Variants in ARMCX1 observed in about 807,000 individuals in gnomAD.
ARMCX1 encodes armadillo repeat containing X-linked 1.
A neutral mutation model predicts 15.4 loss-of-function variants in ARMCX1; 4 were observed. That is an observed-to-expected ratio of 0.26 (90% CI 0.13 to 0.59). The LOEUF (loss-of-function observed/expected upper bound fraction) is 0.59, where lower values mean the gene tolerates loss of function less well. Among genes scored for constraint, ARMCX1 ranks in the 20% least tolerant of loss-of-function variants. ARMCX1 has a pLI of 0.89. For missense variants in ARMCX1, 273 were observed against 337.1 expected, an observed-to-expected ratio of 0.81 and a Z score of 1.49; for synonymous variants, 144 against 130.5, an observed-to-expected ratio of 1.10 and a Z score of -0.71.
chrX:101,553,130 G>T lies in ARMCX1; in HGVS notation c.200G>T (p.Gly67Val). The T allele has an allele frequency of 8.3e-7, 1 of 1,211,655 alleles. No individual in the cohort carries two copies. The highest frequency in any genetic ancestry group is 1.1e-6 in the Non-Finnish European group (1 of 895,422). Reference protein sequence around the residue: ...GAKTNAGAGSGAKLQGDSEVK... With the variant: ...GAKTNAGAGSVAKLQGDSEVK... Reference sequence around the variant, plus strand: ...AAAACTAACGCTGGGGCAGGGTCTGGGGCCAAACTTCAGGGTGATTCAGAG... The same window carrying T: ...AAAACTAACGCTGGGGCAGGGTCTGTGGCCAAACTTCAGGGTGATTCAGAG... The change falls in exon 4 of 4, where the codon GGG becomes GTG. Residue 67 changes from glycine to valine, a missense_variant. Physicochemically the swap from Gly to Val is moderately radical, Grantham distance 109. Around this residue, in one of 2 missense-constraint regions of ARMCX1, gnomAD observed 147 missense variants for 143.5 expected, o/e 1.02. Coordinates refer to ENST00000372829, the MANE Select transcript of ARMCX1 (RefSeq NM_016608.2).
Position 101,554,199 on chromosome X carries a change from G to T in ARMCX1, c.1269G>T (p.Glu423Asp). ...SRSSLFFLFK[E>D]SGVCVKKIKA... The stretch of plus-strand genomic sequence containing the variant: ...GTTCACTTTTTTTCTTATTCAAAGA[G>T]TCTGGAGTTTGTGTTAAGAAAATCA... Residue 423 changes from glutamate to aspartate, a missense_variant, in exon 4 of 4, where the codon GAG becomes GAT. Glu to Asp is a conservative substitution (Grantham distance 45, BLOSUM62 2). Around this residue, in one of 2 missense-constraint regions of ARMCX1, gnomAD observed 126 missense variants for 193.6 expected, o/e 0.65. Coordinates refer to ENST00000372829, the MANE Select transcript of ARMCX1 (RefSeq NM_016608.2). 1 of 1,208,413 alleles carries T rather than the reference G, an allele frequency of 8.3e-7. No individual in the cohort carries two copies. Among genetic ancestry groups the T allele is most frequent in the African/African-American group, 1.7e-5 (1 of 57,684 alleles).
chrX:101,554,208 T>C lies in ARMCX1; in HGVS notation c.1278T>C (p.Val426=). 2 of 1,207,074 alleles carry C rather than the reference T, an allele frequency of 1.7e-6. No individual in the cohort carries two copies. The highest frequency in any genetic ancestry group is 2.2e-6 in the Non-Finnish European group (2 of 893,956). Residue 426 remains valine, a synonymous_variant, in exon 4 of 4, where the codon GTT becomes GTC. Transcript: ENST00000372829. ...SLFFLFKESG[V]CVKKIKALAN... ...TTTTCTTATTCAAAGAGTCTGGAGT[T>C]TGTGTTAAGAAAATCAAAGCACTAG... is the stretch of plus-strand genomic sequence containing the variant.
chrX:101,551,240 G>GT (rs2053837376), intron 2 of ARMCX1, among the ~76,000 whole-genome samples: 1 of 110,322 alleles, frequency 9.1e-6, no homozygotes, highest in Non-Finnish European at 1.9e-5. Context: ...GGTTGGTTTT[G>GT]TTTTTCTCCT....
chrX:101,552,832 C>T lies in ARMCX1; in HGVS notation c.-99C>T. ...AGGTCGAGCTGCCTCAGAGCCGGCC[C>T]GCAGTAGCTGCAGACTCCGCCCGCG... is the stretch of plus-strand genomic sequence containing the variant. On this transcript the variant is annotated 5_prime_UTR_variant, in exon 4 of 4. Coordinates refer to ENST00000372829, the MANE Select transcript of ARMCX1 (RefSeq NM_016608.2). 2 of 1,011,902 alleles carry T rather than the reference C, an allele frequency of 2.0e-6. No homozygotes were observed. Among genetic ancestry groups the T allele is most frequent in the Admixed American group, 3.1e-5 (1 of 32,518 alleles). The allele number at this position is 1,011,902 out of a possible 1,213,427, so 83.4% of individuals were successfully genotyped here.
rs782115594 is a variant in ARMCX1 at position 101,552,420 on chromosome X, C to G, written c.-122-389C>G. ...TATGTACCCAGAGCTCTCAGTACCC[C>G]TCTCCCCGCGCCCTTGGTCTGCAGG... On this transcript the variant is annotated intron_variant, in intron 3 of 3. Transcript: ENST00000372829. 4.5e-5 allele frequency among the ~76,000 whole-genome samples: 5 copies of G among 111,276 alleles called. No homozygotes were observed. In the South Asian group the frequency reaches 1.5e-3, roughly 34 times the overall value.
At chrX:101,551,500 T>C (rs1935380080) in intron 2 of ARMCX1, 69 bp from the exon 3 acceptor site, 1 of 112,170 alleles carries the variant, frequency 8.9e-6, no homozygotes, top group African/African-American at 3.2e-5. Context: ...GAAGTGGATA[T>C]TGGGACTCCC....
rs782743530 is a variant in ARMCX1, at chrX:101,552,749, T to G, written c.-122-60T>G. 159 of 434,039 alleles carry G rather than the reference T, an allele frequency of 3.7e-4. 2 individuals are homozygous for G. The South Asian group carries it at 6.8e-3, about 19-fold the overall frequency. The allele number at this position is 434,039 out of a possible 1,213,427, so 35.8% of individuals were successfully genotyped here. On this transcript the variant is annotated intron_variant, in intron 3 of 3. Transcript: ENST00000372829. ...TGTTTGTTTTGTTGTTGTTTCAGTC[T>G]GTTTGCGTTCAAAGACACAAAAAGG...
At position 101,553,660 on chromosome X, in the gene ARMCX1, C is replaced by A; in HGVS notation, c.730C>A (p.Arg244Ser). The A allele has an allele frequency of 8.3e-7, 1 of 1,211,541 alleles. No homozygotes were observed. Among genetic ancestry groups the A allele is most frequent in the Non-Finnish European group, 1.1e-6 (1 of 895,470 alleles). The change falls in exon 4 of 4, where the codon CGT becomes AGT. Residue 244 changes from arginine (R) to serine (S), a missense_variant. This residue lies in a region of ARMCX1 where 126 missense variants were observed against 193.6 expected (regional missense o/e 0.65). Coordinates refer to ENST00000372829, the MANE Select transcript of ARMCX1 (RefSeq NM_016608.2). ...AAYSFNQNAI[R>S]ELGGVPIIAK... Reference sequence around the variant, plus strand: ...ATATTCATTTAACCAGAATGCCATACGTGAATTGGGTGGTGTCCCAATTAT... The same window carrying A: ...ATATTCATTTAACCAGAATGCCATAAGTGAATTGGGTGGTGTCCCAATTAT...
At chrX:101,550,829 C>T (rs1191385369) in intron 1 of ARMCX1, 142 bp from the exon 2 acceptor site, 1 of 111,830 alleles carries the variant, frequency 8.9e-6, no homozygotes, top group Non-Finnish European at 1.9e-5. Context: ...CGACCCCAGA[C>T]TCGGGCGTCG....
Position 101,553,598 on chromosome X carries a change from A to G in ARMCX1, c.668A>G (p.Gln223Arg). The G allele has an allele frequency of 8.3e-7, 1 of 1,211,793 alleles. No individual in the cohort carries two copies. The change falls in exon 4 of 4, where the codon CAA (glutamine) becomes CGA (arginine). Residue 223 changes from glutamine (Q) to arginine (R), a missense_variant. Gln to Arg is a conservative substitution (Grantham distance 43). Transcript: ENST00000372829. The part of the protein sequence containing the change: ...ILERTNDPFI[Q>R]EVALVTLGNN... ...GAGCGAACAAATGATCCTTTTATTC[A>G]AGAAGTAGCCTTGGTCACTCTGGGT...
In ARMCX1 at chrX:101,553,487, C is replaced by T; in HGVS notation, c.557C>T (p.Pro186Leu). ...KSTRAPATTW[P>L]VRRGKFNFPY... Reference sequence around the variant, plus strand: ...ACCAGGGCTCCAGCTACAACATGGCCTGTCCGGAGAGGCAAGTTCAACTTT... The same window carrying T: ...ACCAGGGCTCCAGCTACAACATGGCTTGTCCGGAGAGGCAAGTTCAACTTT... The change falls in exon 4 of 4, where the codon CCT (proline) becomes CTT (leucine). Residue 186 changes from proline (P) to leucine (L), a missense_variant. Coordinates refer to ENST00000372829, the MANE Select transcript of ARMCX1 (RefSeq NM_016608.2). 1 of 1,210,734 alleles carries T rather than the reference C, an allele frequency of 8.3e-7. No individual in the cohort carries two copies. The highest frequency in any genetic ancestry group is 1.1e-6 in the Non-Finnish European group (1 of 895,080).
rs367903629 is a variant in ARMCX1 at position 101,553,450 on chromosome X, C to T, written c.520C>T (p.Arg174Ter). Residue 174 changes from arginine (R) to a stop codon, truncating the protein, a stop_gained, in exon 4 of 4, where the codon CGA (arginine) becomes TGA (stop). Transcript: ENST00000372829. LOFTEE classifies it high-confidence loss of function. ...AAGTGGAAAATCCAAGGGAAAGGCC[C>T]GAAGTAAGAGCACCAGGGCTCCAGC... ...RASGKSKGKARSKSTRAPATT... is the reference protein window; with the variant it reads ...RASGKSKGKA The T allele has an allele frequency of 8.3e-7, 1 of 1,203,077 alleles. No individual in the cohort carries two copies. Among genetic ancestry groups the T allele is most frequent in the Non-Finnish European group, 1.1e-6 (1 of 891,981 alleles).
At position 101,552,855 on chromosome X, in the gene ARMCX1, G is replaced by A; in HGVS notation, c.-76G>A. 8.9e-7 allele frequency: 1 copy of A among 1,118,223 alleles called. No homozygotes were observed. Among genetic ancestry groups the A allele is most frequent in the South Asian group, 2.2e-5 (1 of 45,656 alleles). The allele number at this position is 1,118,223 out of a possible 1,213,427, so 92.2% of individuals were successfully genotyped here. On this transcript the variant is annotated 5_prime_UTR_variant, in exon 4 of 4. Coordinates refer to ENST00000372829, the MANE Select transcript of ARMCX1 (RefSeq NM_016608.2). ...CCCGCAGTAGCTGCAGACTCCGCCC[G>A]CGACGTGTGCGCGCTTCTCTGGGCC...
intron 2 of ARMCX1, among the ~76,000 whole-genome samples, chrX:101,551,244 T>C (rs1006801754): frequency 1.8e-5 from 2 of 110,455 alleles, no homozygotes; most frequent in Admixed American, 1.9e-4. Flanking sequence ...GGTTTTGTTT[T>C]TCTCCTCGGA....
At position 101,552,958 on chromosome X, in the gene ARMCX1, G is replaced by T. The variant is rs1435080466; in HGVS notation, c.28G>T (p.Val10Leu). The T allele has an allele frequency of 3.3e-6, 4 of 1,209,017 alleles. No individual in the cohort carries two copies. The highest frequency in any genetic ancestry group is 3.5e-5 in the African/African-American group (2 of 57,203). ...GGGCCGCACTCGGGAAGCTGGCTGC[G>T]TGGCCGCTGGTGTGGTTATCGGGGC... MGRTREAGC[V>L]AAGVVIGAGA... The change falls in exon 4 of 4, where the codon GTG becomes TTG. Residue 10 changes from valine (V) to leucine (L), a missense_variant. By Grantham distance (32) the Val-to-Leu change is conservative. This residue lies in a region of ARMCX1 where 147 missense variants were observed against 143.5 expected (regional missense o/e 1.02). Coordinates refer to ENST00000372829, the MANE Select transcript of ARMCX1 (RefSeq NM_016608.2).
At position 101,554,515 on chromosome X, in the gene ARMCX1, CAGAA is replaced by C; in HGVS notation, c.*228_*231del. The C allele has an allele frequency of 3.1e-6, 1 of 322,643 alleles. No individual in the cohort carries two copies. Among genetic ancestry groups the C allele is most frequent in the Non-Finnish European group, 5.5e-6 (1 of 182,313 alleles). The allele number at this position is 322,643 out of a possible 1,213,427, so 26.6% of individuals were successfully genotyped here. A position where few individuals can be genotyped will look rare whatever the true frequency, so the allele number is the denominator to read the frequency against. On this transcript the variant is annotated 3_prime_UTR_variant, in exon 4 of 4. Coordinates refer to ENST00000372829, the MANE Select transcript of ARMCX1 (RefSeq NM_016608.2). ...CAAATGAAATATTAGTATTTGTACA[CAGAA>C]AGAATTTATTGATTTGATCTTATTA... is the stretch of plus-strand genomic sequence containing the variant.
intron 3 of ARMCX1, among the ~76,000 whole-genome samples, chrX:101,552,053 T>G: frequency 2.4e-5 from 2 of 82,319 alleles, no homozygotes; most frequent in African/African-American, 4.6e-5. Context: ...ACATTTGAGA[T>G]GGAGGAGTTG....
In ARMCX1 at chrX:101,553,079, T is replaced by C. The variant is rs868959187; in HGVS notation, c.149T>C (p.Ile50Thr). ...EDEESTDTSE[I>T]GVETVKGAKT... ...GAGGAGTCTACGGACACCTCAGAGA[T>C]TGGGGTTGAGACTGTGAAAGGAGCT... is the stretch of plus-strand genomic sequence containing the variant. The change falls in exon 4 of 4, where the codon ATT (isoleucine) becomes ACT (threonine). Residue 50 changes from isoleucine to threonine, a missense_variant. Ile to Thr is a moderately conservative substitution (Grantham distance 89). Coordinates refer to ENST00000372829, the MANE Select transcript of ARMCX1 (RefSeq NM_016608.2). 4.1e-6 allele frequency: 5 copies of C among 1,210,548 alleles called. No individual in the cohort carries two copies. Among genetic ancestry groups the C allele is most frequent in the African/African-American group, 3.5e-5 (2 of 57,451 alleles).
In ARMCX1 at chrX:101,553,428, T is replaced by A; in HGVS notation, c.498T>A (p.Ser166Arg). 2 of 1,197,381 alleles carry A rather than the reference T, an allele frequency of 1.7e-6. No individual in the cohort carries two copies. Among genetic ancestry groups the A allele is most frequent in the South Asian group, 1.8e-5 (1 of 54,092 alleles). The change falls in exon 4 of 4, where the codon AGT becomes AGA. Residue 166 changes from serine (S) to arginine (R), a missense_variant. Ser to Arg is a moderately radical substitution (Grantham distance 110). Around this residue, in one of 2 missense-constraint regions of ARMCX1, gnomAD observed 147 missense variants for 143.5 expected, o/e 1.02. Coordinates refer to ENST00000372829, the MANE Select transcript of ARMCX1 (RefSeq NM_016608.2). ...GATCTAGGGCCGGGGGCAGGGCAAGTGGAAAATCCAAGGGAAAGGCCCGAA... is the reference window on the plus strand; with the variant it reads ...GATCTAGGGCCGGGGGCAGGGCAAGAGGAAAATCCAAGGGAAAGGCCCGAA... ...RSGSRAGGRA[S>R]GKSKGKARSK...
Sources: allele counts gnomAD v4.1 joint callset (sites outside exome capture counted in the v4.1 genomes callset), GRCh38; gene constraint gnomAD v4.1.1; regional missense constraint gnomAD v4.1.1; transcripts MANE v1.5; gene names NCBI Gene and HGNC (gene_info 2026-07-23, HGNC 2026-07-21).